CNTN4: variants seen among roughly 807,000 people sequenced by gnomAD.
The protein encoded by CNTN4 is contactin 4.
CNTN4 carries 77 observed loss-of-function variants against 122.5 expected under a neutral mutation model. That is an observed-to-expected ratio of 0.63 (90% CI 0.52 to 0.76). CNTN4 has a LOEUF of 0.76. Ranked by LOEUF, CNTN4 falls within the 30% of genes least tolerant of loss-of-function variation. The pLI is 0.00. For missense variants in CNTN4, 1,256 were observed against 1,259.1 expected, an observed-to-expected ratio of 1.00 and a Z score of 0.04; for synonymous variants, 512 against 447.0, an observed-to-expected ratio of 1.15 and a Z score of -1.83.
At chr3:2,875,003 G>C (rs939065349) in intron 8 of CNTN4, among the ~76,000 whole-genome samples, 2 of 152,058 alleles carry the variant, frequency 1.3e-5, no homozygotes, top group Admixed American at 6.6e-5. Context: ...TGTTTTTTGA[G>C]ATAGAGTCTG....
At chr3:2,619,803 G>C (rs936476424) in intron 4 of CNTN4, among the ~76,000 whole-genome samples, 1 of 152,162 alleles carries the variant, frequency 6.6e-6, no homozygotes, top group East Asian at 1.9e-4. Flanking sequence ...CAGACTACCA[G>C]GAATGCAACT....
At chr3:2,401,773 T>G (rs2046867752) in intron 3 of CNTN4, among the ~76,000 whole-genome samples, 1 of 152,136 alleles carries the variant, frequency 6.6e-6, no homozygotes, top group Admixed American at 6.6e-5. Flanking sequence ...GCTGCTAAAC[T>G]TTGTAGAGGT....
intron 3 of CNTN4, among the ~76,000 whole-genome samples, chr3:2,544,380 C>G (rs1381126691): frequency 6.6e-6 from 1 of 151,962 alleles, no homozygotes; most frequent in Non-Finnish European, 1.5e-5. Context: ...CTTGGTCTCA[C>G]CAAAAATAGT....
intron 4 of CNTN4, among the ~76,000 whole-genome samples, chr3:2,732,662 CCT>C (rs927116664): frequency 7.9e-5 from 12 of 152,234 alleles, no homozygotes; most frequent in Admixed American, 7.2e-4. Context: ...TCTCAGAACG[CCT>C]CTCTCAGGAC....
chr3:2,372,030 TAAAC>T (rs2045650305), intron 3 of CNTN4, among the ~76,000 whole-genome samples: 1 of 152,230 alleles, frequency 6.6e-6, no homozygotes, highest in East Asian at 1.9e-4. Context: ...CTCATTTAAA[TAAAC>T]AATCATCATA....
chr3:3,044,031 TTA>T (rs937370314), intron 23 of CNTN4, among the ~76,000 whole-genome samples: 2 of 152,198 alleles, frequency 1.3e-5, no homozygotes, highest in African/African-American at 4.8e-5. Context: ...CTGTCTCGGT[TTA>T]TATATATTTT....
intron 4 of CNTN4, among the ~76,000 whole-genome samples, chr3:2,681,727 G>T (rs1020485326): frequency 2.0e-5 from 3 of 151,718 alleles, no homozygotes; most frequent in Non-Finnish European, 2.9e-5. Flanking sequence ...ATATATATAT[G>T]TAGAAATATT....
chr3:2,207,798 T>A (rs777556707), intron 2 of CNTN4, among the ~76,000 whole-genome samples: 2 of 152,116 alleles, frequency 1.3e-5, no homozygotes, highest in African/African-American at 2.4e-5. Context: ...AAATGCCATG[T>A]AGGGTTTTCA....
chr3:2,733,532 G>GTTTTTTTTTTTT (rs1201306391), intron 4 of CNTN4, among the ~76,000 whole-genome samples: 1 of 120,528 alleles, frequency 8.3e-6, no homozygotes, highest in African/African-American at 3.4e-5. Context: ...GCATGTTTGT[G>GTTTTTTTTTTTT]TTTTTTTTTT....
intron 2 of CNTN4, among the ~76,000 whole-genome samples, chr3:2,318,058 T>G (rs939616576): frequency 6.6e-6 from 1 of 151,876 alleles, no homozygotes; most frequent in Non-Finnish European, 1.5e-5. Flanking sequence ...AAACGAAGAG[T>G]TTAAGACGCC....
At chr3:2,323,336 T>A (rs1337023716) in intron 2 of CNTN4, among the ~76,000 whole-genome samples, 1 of 152,082 alleles carries the variant, frequency 6.6e-6, no homozygotes, top group Non-Finnish European at 1.5e-5. Flanking sequence ...TTGGAAATTG[T>A]AGAAAATGGG....
intron 4 of CNTN4, among the ~76,000 whole-genome samples, chr3:2,730,024 A>G (rs2088564574): frequency 6.6e-6 from 1 of 152,240 alleles, no homozygotes; most frequent in African/African-American, 2.4e-5. Flanking sequence ...GGAGGGACTC[A>G]AGAATCTACC....
chr3:2,931,556 T>C (rs1358655347), intron 13 of CNTN4, among the ~76,000 whole-genome samples: 1 of 152,188 alleles, frequency 6.6e-6, no homozygotes, highest in Admixed American at 6.5e-5. Context: ...ACCCTCACCT[T>C]CTTTTCCTAA....
At chr3:2,143,896 G>T (rs1272899096) in intron 2 of CNTN4, among the ~76,000 whole-genome samples, 1 of 152,174 alleles carries the variant, frequency 6.6e-6, no homozygotes, top group African/African-American at 2.4e-5. Context: ...CACAAGTTTG[G>T]TGAAATTGAT....
chr3:2,584,597 AGGAG>A (rs1163333056), intron 4 of CNTN4, among the ~76,000 whole-genome samples: 52 of 149,116 alleles, frequency 3.5e-4, no homozygotes, highest in Non-Finnish European at 1.3e-4. Context: ...CCAGCTCCTC[AGGAG>A]GCTGAGAATC....
chr3:2,120,475 C>T lies in CNTN4; in HGVS notation c.-145+19836C>T, dbSNP rs774460549. Reference sequence around the variant, plus strand: ...CTGGAATGCAGTGGCATGGTCTCCACGGACTGCGAGCTCGCTTCCTGGGAT... The same window carrying T: ...CTGGAATGCAGTGGCATGGTCTCCATGGACTGCGAGCTCGCTTCCTGGGAT... On this transcript the variant is annotated intron_variant, in intron 2 of 24. Transcript: ENST00000418658. Among the ~76,000 whole-genome samples, 142 of 146,130 alleles carry T rather than the reference C, an allele frequency of 9.7e-4. 1 individual carries two copies. The highest frequency in any genetic ancestry group is 1.9e-3 in the Non-Finnish European group (128 of 67,208).
intron 2 of CNTN4, among the ~76,000 whole-genome samples, chr3:2,169,644 G>A (rs539838333): frequency 2.2e-4 from 33 of 151,974 alleles, no homozygotes; most frequent in African/African-American, 5.1e-4. Context: ...TGATCCACCC[G>A]CCTCCGCCTC....
intron 22 of CNTN4, 91 bp downstream of exon 22, chr3:3,043,254 A>C (rs933665090): frequency 4.2e-6 from 5 of 1,196,004 alleles, no homozygotes; most frequent in Non-Finnish European, 6.2e-6. Flanking sequence ...GATCATTTGC[A>C]TACTAATTAG....
At chr3:2,532,845 T>C (rs1221734439) in intron 3 of CNTN4, among the ~76,000 whole-genome samples, 1 of 152,110 alleles carries the variant, frequency 6.6e-6, no homozygotes, top group Non-Finnish European at 1.5e-5. Flanking sequence ...AATATTTACA[T>C]AAATAGACAT....
Sources: allele counts gnomAD v4.1 joint callset (sites outside exome capture counted in the v4.1 genomes callset), GRCh38; gene constraint gnomAD v4.1.1; transcripts MANE v1.5; gene names NCBI Gene and HGNC (gene_info 2026-07-23, HGNC 2026-07-21).